DDX20: variants seen among roughly 807,000 people sequenced by gnomAD.
The protein encoded by DDX20 is probable ATP-dependent RNA helicase DDX20.
DDX20 carries 61 observed loss-of-function variants against 76.4 expected under a neutral mutation model. That is an observed-to-expected ratio of 0.80 (90% confidence interval 0.65 to 0.99). DDX20 has a LOEUF of 0.99. Among genes scored for constraint, DDX20 ranks in the 50% least tolerant of loss-of-function variants. The pLI, the probability that DDX20 is intolerant of heterozygous loss-of-function variation, is 0.00. For missense variants in DDX20, 976 were observed against 996.8 expected, an observed-to-expected ratio of 0.98 and a Z score of 0.28; for synonymous variants, 357 against 357.4, an observed-to-expected ratio of 1.00 and a Z score of 0.01.
Position 111,766,354 on chromosome 1 carries a change from G to A in DDX20, c.1930G>A (p.Ala644Thr). The change falls in exon 11 of 11, where the codon GCA becomes ACA. Residue 644 changes from alanine to threonine, a missense_variant. Physicochemically the swap from Ala to Thr is moderately conservative, Grantham distance 58 (BLOSUM62 0). Around this residue, in one of 3 missense-constraint regions of DDX20, gnomAD observed 630 missense variants for 693.7 expected, o/e 0.91. Transcript: ENST00000369702. ...TATTGAACAGAGAGTCCCTGTGTTG[G>A]CAAGTAGTAGCCAATCTGGAGACTC... is the stretch of plus-strand genomic sequence containing the variant. ...KVIEQRVPVL[A>T]SSSQSGDSES... 6.2e-7 allele frequency: 1 copy of A among 1,614,164 alleles called. No individual in the cohort carries two copies. Among genetic ancestry groups the A allele is most frequent in the Non-Finnish European group, 8.5e-7 (1 of 1,180,016 alleles).
intron 2 of DDX20, among the ~76,000 whole-genome samples, chr1:111,757,032 T>G (rs1011324658): frequency 6.6e-6 from 1 of 152,076 alleles, no homozygotes; most frequent in Non-Finnish European, 1.5e-5. Context: ...AATGTAGTGC[T>G]CTGGCTATTG....
chr1:111,759,491 A>C lies in DDX20; in HGVS notation c.488A>C (p.His163Pro). The C allele has an allele frequency of 1.2e-6, 2 of 1,613,952 alleles. No individual in the cohort carries two copies. The highest frequency in any genetic ancestry group is 8.5e-7 in the Non-Finnish European group (1 of 1,179,892). Residue 163 changes from histidine (H) to proline (P), a missense_variant, in exon 3 of 11, where the codon CAT becomes CCT. This residue lies in a region of DDX20 where 343 missense variants were observed against 286.4 expected (regional missense o/e 1.20). Coordinates refer to ENST00000369702, the MANE Select transcript of DDX20 (RefSeq NM_007204.5). Reference sequence around the variant, plus strand: ...ATAAAAATGGAAGGCTTAGAGTGTCATGTCTTTATTGGAGGGACCCCATTA... The same window carrying C: ...ATAAAAATGGAAGGCTTAGAGTGTCCTGTCTTTATTGGAGGGACCCCATTA... ...IGIKMEGLECHVFIGGTPLSQ... is the reference protein window; with the variant it reads ...IGIKMEGLECPVFIGGTPLSQ...
chr1:111,756,607 T>G, intron 1 of DDX20, 39 bp from the exon 2 acceptor site: 3 of 1,581,846 alleles, frequency 1.9e-6, no homozygotes, highest in Non-Finnish European at 2.6e-6. Flanking sequence ...GTTGCTTCAG[T>G]GAGTACTGGC....
intron 7 of DDX20, 51 bp downstream of exon 7, chr1:111,761,335 TC>T (rs771287983): frequency 6.7e-7 from 1 of 1,495,646 alleles, no homozygotes; most frequent in African/African-American, 1.4e-5. Flanking sequence ...ACTTGAAGCC[TC>T]CAAAGTCAGG....
At chr1:111,757,746 C>T (rs753109727) in intron 2 of DDX20, among the ~76,000 whole-genome samples, 1 of 152,202 alleles carries the variant, frequency 6.6e-6, no homozygotes, top group Non-Finnish European at 1.5e-5. Context: ...TGGAAATCCT[C>T]CTACTTCCCA....
chr1:111,759,948 T>A (rs1267208208), intron 3 of DDX20, among the ~76,000 whole-genome samples: 1 of 123,184 alleles, frequency 8.1e-6, no homozygotes, highest in Non-Finnish European at 1.6e-5. Flanking sequence ...CACTCCAGCC[T>A]GGGTGACAGA....
At chr1:111,762,831 T>C (rs960218662) in intron 9 of DDX20, 49 bp downstream of exon 9, 1 of 1,497,210 alleles carries the variant, frequency 6.7e-7, no homozygotes, top group Non-Finnish European at 9.2e-7. Context: ...GGGAGGGATC[T>C]ATAATGTGAC....
In DDX20 at chr1:111,762,175, T is replaced by C. The variant is rs141098775; in HGVS notation, c.1022-80T>C. 610 of 1,132,964 alleles carry C rather than the reference T, an allele frequency of 5.4e-4. 3 individuals carry two copies. The African/African-American group carries it at 7.7e-3, about 14-fold the overall frequency. The allele number at this position is 1,132,964 out of a possible 1,614,324, so 70.2% of individuals were successfully genotyped here. On this transcript the variant is annotated intron_variant, in intron 7 of 10. Transcript: ENST00000369702. ...TTAAAAGTGTTAAGACTGGGTGTTA[T>C]GCTTTTTACTTTTTGTGGATTGGAT...
rs761379202 is a variant in DDX20, at chr1:111,760,467, T to A, written c.566-7T>A. ...CATAAATATTTCAATTTTTTTTTTT[T>A]AATTAGGCAGAATTAAGCAACTCAT... On this transcript the variant is annotated splice_region_variant and splice_polypyrimidine_tract_variant and intron_variant, in intron 3 of 10. Coordinates refer to ENST00000369702, the MANE Select transcript of DDX20 (RefSeq NM_007204.5). 37 of 1,557,720 alleles carry A rather than the reference T, an allele frequency of 2.4e-5. No individual in the cohort carries two copies. Among genetic ancestry groups the A allele is most frequent in the African/African-American group, 4.2e-5 (3 of 71,844 alleles).
intron 3 of DDX20, among the ~76,000 whole-genome samples, chr1:111,759,973 C>CAAAA (rs754870294): frequency 1.4e-3 from 83 of 57,476 alleles, no homozygotes; most frequent in East Asian, 2.8e-3. Context: ...GACTCCATCT[C>CAAAA]AAAAAAAAAA....
Position 111,755,942 on chromosome 1 carries a change from A to C in DDX20, c.18A>C (p.Glu6Asp). 1.9e-6 allele frequency: 3 copies of C among 1,577,464 alleles called. No individual in the cohort carries two copies. The highest frequency in any genetic ancestry group is 2.6e-6 in the Non-Finnish European group (3 of 1,157,668). MAAAF[E>D]ASGALAAVAT... ...CGGCTACCATGGCGGCGGCATTTGAAGCCTCGGGAGCCTTAGCAGCAGTGG... is the reference window on the plus strand; with the variant it reads ...CGGCTACCATGGCGGCGGCATTTGACGCCTCGGGAGCCTTAGCAGCAGTGG... Residue 6 changes from glutamate (E) to aspartate (D), a missense_variant, in exon 1 of 11, where the codon GAA becomes GAC. By Grantham distance (45) the Glu-to-Asp change is conservative. Transcript: ENST00000369702.
intron 10 of DDX20, among the ~76,000 whole-genome samples, chr1:111,763,499 G>A (rs1663717012): frequency 6.6e-6 from 1 of 151,792 alleles, no homozygotes; most frequent in Non-Finnish European, 1.5e-5. Context: ...TTGAACCCAG[G>A]AGGTGGAGGT....
At position 111,759,420 on chromosome 1, in the gene DDX20, A is replaced by G. The variant is rs1263532318; in HGVS notation, c.417A>G (p.Thr139=). 3 of 1,601,020 alleles carry G rather than the reference A, an allele frequency of 1.9e-6. No individual in the cohort carries two copies. The highest frequency in any genetic ancestry group is 1.1e-5 in the South Asian group (1 of 87,428). Residue 139 remains threonine (T), a synonymous_variant, in exon 3 of 11, where the codon ACA becomes ACG. Coordinates refer to ENST00000369702, the MANE Select transcript of DDX20 (RefSeq NM_007204.5). ...TTTAGATTTTGATCTTGGCTCCTAC[A>G]AGAGAAATTGCTGTACAGATACATT... ...LSTQILILAP[T]REIAVQIHSV...
chr1:111,759,292 T>C (rs1663622615), intron 2 of DDX20, 108 bp from the exon 3 acceptor site: 1 of 912,806 alleles, frequency 1.1e-6, no homozygotes, highest in Non-Finnish European at 1.6e-6. Context: ...TAAAAACTCA[T>C]TTGAAATGAT....
chr1:111,756,622 G>T, intron 1 of DDX20, 24 bp from the exon 2 acceptor site: 1 of 1,608,968 alleles, frequency 6.2e-7, no homozygotes. Flanking sequence ...ACTGGCTAGT[G>T]ATAATTGTTT....
chr1:111,757,249 C>T (rs80194640), intron 2 of DDX20, among the ~76,000 whole-genome samples: 1,690 of 152,120 alleles, frequency 0.011, 28 homozygotes, highest in African/African-American at 0.039. Context: ...ATGGGGTCTC[C>T]AGTGTTGCAC....
chr1:111,766,242 A>G lies in DDX20; in HGVS notation c.1818A>G (p.Leu606=), dbSNP rs1663776368. 6.2e-7 allele frequency: 1 copy of G among 1,614,228 alleles called. No individual in the cohort carries two copies. The change falls in exon 11 of 11, where the codon TTA becomes TTG. Residue 606 remains leucine, a synonymous_variant. Coordinates refer to ENST00000369702, the MANE Select transcript of DDX20 (RefSeq NM_007204.5). ...EDYEHYIKEG[L]EKPVEIIRHY... ...ATGAACATTATATTAAAGAGGGGTTAGAGAAACCTGTGGAAATCATCAGGC... is the reference window on the plus strand; with the variant it reads ...ATGAACATTATATTAAAGAGGGGTTGGAGAAACCTGTGGAAATCATCAGGC...
In DDX20 at chr1:111,759,397, T is replaced by TA. The variant is rs1242976774; in HGVS notation, c.397-2dup. ...AAAGGTGTAATTTATGGTTTTTTTT[T>TA]AGATTTTGATCTTGGCTCCTACAAG... On this transcript the variant is annotated splice_polypyrimidine_tract_variant and splice_region_variant and intron_variant, in intron 2 of 10. Coordinates refer to ENST00000369702, the MANE Select transcript of DDX20 (RefSeq NM_007204.5). 6.3e-6 allele frequency: 10 copies of TA among 1,597,566 alleles called. No homozygotes were observed. The highest frequency in any genetic ancestry group is 7.7e-6 in the Non-Finnish European group (9 of 1,174,136).
intron 1 of DDX20, among the ~76,000 whole-genome samples, 187 bp from the exon 2 acceptor site, chr1:111,756,459 G>A (rs1413976127): frequency 2.0e-5 from 3 of 152,228 alleles, no homozygotes; most frequent in Non-Finnish European, 4.4e-5. Context: ...ATGGTTCTAA[G>A]TTTGAGAAGA....
Sources: gnomAD v4.1 joint callset for allele counts (sites outside exome capture counted in the v4.1 genomes callset) on GRCh38, gnomAD v4.1.1 for gene constraint, gnomAD v4.1.1 regional missense constraint, MANE v1.5 for transcripts, NCBI Gene and HGNC (gene_info 2026-07-23, HGNC 2026-07-21) for gene names.